DHX37: variants seen among roughly 807,000 people sequenced by gnomAD.
DHX37 encodes DEAH-box helicase 37.
A neutral mutation model predicts 134.3 loss-of-function variants in DHX37; 52 were observed. The observed-to-expected ratio is 0.39, with a 90% CI of 0.31 to 0.49. The LOEUF (loss-of-function observed/expected upper bound fraction) is 0.49. Ranked by LOEUF, DHX37 falls within the 20% of genes least tolerant of loss-of-function variation. The pLI is 0.93. For missense variants in DHX37, 1,344 were observed against 1,580.8 expected, an observed-to-expected ratio of 0.85 and a Z score of 2.54; for synonymous variants, 634 against 670.7, an observed-to-expected ratio of 0.95 and a Z score of 0.85.
rs1239265285 is a variant in DHX37, at chr12:124,947,846, G to A, written c.3430C>T (p.His1144Tyr). The change falls in exon 27 of 27, where the codon CAC becomes TAC. Residue 1144 changes from histidine (H) to tyrosine (Y), a missense_variant. Physicochemically the swap from His to Tyr is moderately conservative, Grantham distance 83. Transcript: ENST00000308736. ...EYCEWLPQAM[H>Y]PDIEKAWPPT... ...GGCCAGGCTTTCTCGATATCGGGGT[G>A]CATGGCCTGTGGAAGCCACTCACAG... is the stretch of plus-strand genomic sequence containing the variant. 1.2e-6 allele frequency: 2 copies of A among 1,607,666 alleles called. No individual in the cohort carries two copies. The highest frequency in any genetic ancestry group is 1.7e-4 in the Middle Eastern group (1 of 6,010).
At position 124,972,558 on chromosome 12, in the gene DHX37, T is replaced by A. The variant is rs1426013304; in HGVS notation, c.1022A>T (p.Glu341Val). 1 of 1,614,120 alleles carries A rather than the reference T, an allele frequency of 6.2e-7. No individual in the cohort carries two copies. Among genetic ancestry groups the A allele is most frequent in the African/African-American group, 1.3e-5 (1 of 74,956 alleles). Residue 341 changes from glutamate to valine, a missense_variant, in exon 7 of 27, where the codon GAG becomes GTG. Transcript: ENST00000308736. ...YQIRYEGNVT[E>V]ETRIKFMTDG... ...CGTCATGAACTTGATTCTGGTCTCC[T>A]CTGTCACGTTTCCTTCATACCGGAT...
At chr12:124,966,906 G>A (rs1404862923) in intron 11 of DHX37, 28 bp from the exon 12 acceptor site, 1 of 1,614,022 alleles carries the variant, frequency 6.2e-7, no homozygotes, top group Admixed American at 1.7e-5. Context: ...TGGGGAGAAA[G>A]GCGTCTGTGG....
chr12:124,965,139 C>G, intron 13 of DHX37, 133 bp from the exon 14 acceptor site: 2 of 1,026,488 alleles, frequency 1.9e-6, no homozygotes, highest in Non-Finnish European at 2.8e-6. Context: ...AGAGGCTCCC[C>G]TTGGGACCAG....
chr12:124,966,152 C>T (rs73229571), intron 12 of DHX37, among the ~76,000 whole-genome samples: 14,779 of 152,248 alleles, frequency 0.097, 749 homozygotes, highest in South Asian at 0.11. Flanking sequence ...GGTGCCTTCA[C>T]GCAGAGGCTA....
intron 12 of DHX37, among the ~76,000 whole-genome samples, chr12:124,966,052 C>A (rs750626528): frequency 1.3e-5 from 2 of 152,214 alleles, no homozygotes; most frequent in African/African-American, 2.4e-5. Flanking sequence ...ACGTGAGGAA[C>A]CTGGATCGCT....
intron 3 of DHX37, among the ~76,000 whole-genome samples, chr12:124,982,134 A>C (rs1191711676): frequency 2.1e-5 from 3 of 144,434 alleles, no homozygotes; most frequent in African/African-American, 8.6e-5. Context: ...AAAAAAAAAA[A>C]CAAAAAAAAA....
At chr12:124,986,741 T>C (rs1954881093) in intron 1 of DHX37, among the ~76,000 whole-genome samples, 1 of 151,678 alleles carries the variant, frequency 6.6e-6, no homozygotes, top group Non-Finnish European at 1.5e-5. Context: ...AAAAATACTA[T>C]GATTTTCTCT....
rs199820318 is a variant in DHX37 at position 124,960,441 on chromosome 12, G to A, written c.2046-18C>T. 45 of 1,604,242 alleles carry A rather than the reference G, an allele frequency of 2.8e-5. No homozygotes were observed. Among genetic ancestry groups the A allele is most frequent in the Admixed American group, 8.4e-5 (5 of 59,758 alleles). Reference sequence around the variant, plus strand: ...AATACAGCCTGGATGGAGAGAAACCGGGACAACAAACACAAAACTCACACC... The same window carrying A: ...AATACAGCCTGGATGGAGAGAAACCAGGACAACAAACACAAAACTCACACC... On this transcript the variant is annotated intron_variant, in intron 15 of 26. Coordinates refer to ENST00000308736, the MANE Select transcript of DHX37 (RefSeq NM_032656.4).
chr12:124,961,203 C>T (rs1459371992), intron 15 of DHX37, among the ~76,000 whole-genome samples: 2 of 100,874 alleles, frequency 2.0e-5, no homozygotes, highest in South Asian at 3.9e-4. Flanking sequence ...CACACACATA[C>T]ACGTGTGCAC....
chr12:124,961,896 C>T (rs568356209), intron 15 of DHX37, among the ~76,000 whole-genome samples: 15 of 152,128 alleles, frequency 9.9e-5, no homozygotes, highest in Non-Finnish European at 1.8e-4. Context: ...CAATATGATA[C>T]CACTTCACAT....
chr12:124,950,137 T>C lies in DHX37; in HGVS notation c.3216+12A>G. 6.2e-7 allele frequency: 1 copy of C among 1,613,984 alleles called. No homozygotes were observed. Among genetic ancestry groups the C allele is most frequent in the Non-Finnish European group, 8.5e-7 (1 of 1,180,022 alleles). On this transcript the variant is annotated intron_variant, in intron 24 of 26. Transcript: ENST00000308736. Reference sequence around the variant, plus strand: ...ACCCGAGATGAGGGTCTGGAGCCGCTGTGCCACCTACCTGCCCTTCCAGCA... The same window carrying C: ...ACCCGAGATGAGGGTCTGGAGCCGCCGTGCCACCTACCTGCCCTTCCAGCA...
chr12:124,954,691 C>T (rs1467074761), intron 18 of DHX37, among the ~76,000 whole-genome samples: 2 of 152,188 alleles, frequency 1.3e-5, no homozygotes, highest in Non-Finnish European at 2.9e-5. Context: ...AGCCACCGTG[C>T]CCGGCCACTG....
intron 4 of DHX37, among the ~76,000 whole-genome samples, chr12:124,978,021 C>T (rs777361548): frequency 4.6e-5 from 7 of 152,180 alleles, no homozygotes; most frequent in Non-Finnish European, 8.8e-5. Context: ...TATGCAATGG[C>T]GCGATCTCGG....
In DHX37 at chr12:124,968,538, G is replaced by A. The variant is rs760438704; in HGVS notation, c.1404C>T (p.Pro468=). 1.2e-5 allele frequency: 19 copies of A among 1,612,956 alleles called. No individual in the cohort carries two copies. The highest frequency in any genetic ancestry group is 5.5e-5 in the South Asian group (5 of 91,094). ...CTGACCTGGCCAGGGCCTCACCTGC[G>A]GGCAGCATCCGGTGGATCTTGCAGA... is the stretch of plus-strand genomic sequence containing the variant. ...RKVCKIHRML[P]AGGILVFLTG... is the part of the protein sequence containing the mutation. Residue 468 remains proline, a synonymous_variant, in exon 10 of 27, where the codon CCC becomes CCT. Transcript: ENST00000308736.
chr12:124,987,532 TCTACGGCTGTCTTTGAGGTGC>T (rs1321336639), intron 1 of DHX37, among the ~76,000 whole-genome samples: 1 of 152,210 alleles, frequency 6.6e-6, no homozygotes, highest in African/African-American at 2.4e-5. Flanking sequence ...CAGCCCAGTG[TCTACGGCTGTCTTTGAGGTGC>T]CATCCTGAAT....
chr12:124,974,078 C>T (rs979759461), intron 6 of DHX37, among the ~76,000 whole-genome samples: 5 of 151,800 alleles, frequency 3.3e-5, no homozygotes, highest in African/African-American at 9.7e-5. Context: ...CTCAGCCTCC[C>T]GAGTAGCTGG....
At chr12:124,962,486 T>A (rs948220758) in intron 15 of DHX37, among the ~76,000 whole-genome samples, 7 of 151,800 alleles carry the variant, frequency 4.6e-5, no homozygotes, top group African/African-American at 1.2e-4. Context: ...TGAACCCCCA[T>A]CTCTACTAAA....
chr12:124,973,638 C>CTTTTTTTTTTTTTT lies in DHX37; in HGVS notation c.981-1053_981-1040dup, dbSNP rs71092252. Among the ~76,000 whole-genome samples, 6 of 102,874 alleles carry CTTTTTTTTTTTTTT rather than the reference C, an allele frequency of 5.8e-5. 2 individuals are homozygous for CTTTTTTTTTTTTTT. Among genetic ancestry groups the CTTTTTTTTTTTTTT allele is most frequent in the Non-Finnish European group, 5.6e-5 (3 of 53,758 alleles). 67.5% of individuals were successfully genotyped at this position (102,874 alleles called of 152,430 possible). On this transcript the variant is annotated intron_variant, in intron 6 of 26. Coordinates refer to ENST00000308736, the MANE Select transcript of DHX37 (RefSeq NM_032656.4). ...TTATGTATATGCGCCCCCCCCAACG[C>CTTTTTTTTTTTTTT]TTTTTTTTTTTTTTTTTTTTGAGAT...
intron 8 of DHX37, among the ~76,000 whole-genome samples, chr12:124,969,441 C>T (rs1954471514): frequency 1.3e-5 from 2 of 152,180 alleles, no homozygotes; most frequent in Non-Finnish European, 2.9e-5. Flanking sequence ...ACCCCAAACC[C>T]AGAAGCTAAG....
Sources: gnomAD v4.1 joint callset for allele counts (sites outside exome capture counted in the v4.1 genomes callset) on GRCh38, gnomAD v4.1.1 for gene constraint, MANE v1.5 for transcripts, NCBI Gene and HGNC (gene_info 2026-07-23, HGNC 2026-07-21) for gene names.